RGS5: variants seen among roughly 807,000 people sequenced by gnomAD.
The protein encoded by RGS5 is regulator of G protein signaling 5, also known as regulator of G-protein signalling 5.
Under a neutral mutation model 18.9 loss-of-function variants are expected in RGS5, and 20 were observed. The observed-to-expected ratio is 1.06, with a 90% CI of 0.74 to 1.54. The LOEUF (loss-of-function observed/expected upper bound fraction) is 1.54. Among genes scored for constraint, RGS5 ranks in the 40% most tolerant of loss-of-function variants. The pLI is 0.00. For synonymous variants in RGS5, 57 were observed against 76.2 expected, an observed-to-expected ratio of 0.75 and a Z score of 1.31; for missense variants, 201 against 211.8, an observed-to-expected ratio of 0.95 and a Z score of 0.32.
At chr1:163,195,690 G>A (rs1216434118) in intron 1 of RGS5, among the ~76,000 whole-genome samples, 1 of 150,974 alleles carries the variant, frequency 6.6e-6, no homozygotes, top group African/African-American at 2.4e-5. Flanking sequence ...TAAAAGATGA[G>A]GTTATGATGA....
chr1:163,162,625 TCCTGAACA>T (rs67143810), intron 2 of RGS5, among the ~76,000 whole-genome samples: 10,640 of 152,136 alleles, frequency 0.07, 496 homozygotes, highest in Non-Finnish European at 0.091. Context: ...GGTTAATATA[TCCTGAACA>T]GGAATGTTAT....
intron 2 of RGS5, among the ~76,000 whole-genome samples, chr1:163,263,707 T>C (rs1233316147): frequency 6.6e-6 from 1 of 152,118 alleles, no homozygotes; most frequent in Non-Finnish European, 1.5e-5. Context: ...GACTCTCAGA[T>C]TCTTGTTCCC....
chr1:163,220,178 T>C (rs1161815208), upstream of RGS5, among the ~76,000 whole-genome samples: 1 of 152,240 alleles, frequency 6.6e-6, no homozygotes, highest in Non-Finnish European at 1.5e-5. Flanking sequence ...CCTTTATATG[T>C]ACATATTGAC....
rs1222547970 is a variant in RGS5 at position 163,152,688 on chromosome 1, C to T, written c.246G>A (p.Leu82=). The change falls in exon 4 of 5, where the codon CTG becomes CTA. Residue 82 remains leucine, a synonymous_variant. Coordinates refer to ENST00000313961, the MANE Select transcript of RGS5 (RefSeq NM_003617.4). ...NYGLASFKSF[L]KSEFSEENLE... ...GGTTTTCCTCACTGAATTCAGACTT[C>T]AGGAAACTTTTGAAACTGGCAAGTC... The T allele has an allele frequency of 6.3e-7, 1 of 1,599,872 alleles. No individual in the cohort carries two copies. The highest frequency in any genetic ancestry group is 2.2e-5 in the East Asian group (1 of 44,668).
chr1:163,147,801 A>G (rs1039018585), intron 4 of RGS5, among the ~76,000 whole-genome samples: 3 of 76 alleles, frequency 0.039, no homozygotes, highest in African/African-American at 0.079. Flanking sequence ...CTTTTATAGA[A>G]AAAAATATTA....
chr1:163,202,634 T>C (rs1396044185), intron 1 of RGS5, among the ~76,000 whole-genome samples, 158 bp downstream of exon 1: 2 of 152,220 alleles, frequency 1.3e-5, no homozygotes, highest in Non-Finnish European at 2.9e-5. Flanking sequence ...ATCTCTATAT[T>C]GTTTACAGAG....
intron 2 of RGS5, among the ~76,000 whole-genome samples, chr1:163,292,227 T>C (rs1250739713): frequency 6.6e-6 from 1 of 152,148 alleles, no homozygotes; most frequent in Non-Finnish European, 1.5e-5. Flanking sequence ...TATCCATGCA[T>C]TCTCATCATT....
chr1:163,295,044 C>T (rs1649389363), intron 2 of RGS5, among the ~76,000 whole-genome samples: 1 of 152,160 alleles, frequency 6.6e-6, no homozygotes, highest in Non-Finnish European at 1.5e-5. Flanking sequence ...TCACTATTAG[C>T]ATTTTGGTCA....
intron 1 of RGS5, among the ~76,000 whole-genome samples, chr1:163,210,383 T>C (rs1660076633): frequency 6.6e-6 from 1 of 152,216 alleles, no homozygotes; most frequent in Non-Finnish European, 1.5e-5. Flanking sequence ...ACTTCTAAGA[T>C]TTCTATTTGA....
intron 1 of RGS5, among the ~76,000 whole-genome samples, chr1:163,187,644 C>G (rs1045177388): frequency 2.0e-5 from 3 of 152,146 alleles, no homozygotes; most frequent in Non-Finnish European, 4.4e-5. Context: ...CCTGGAGGTT[C>G]CCAGAGGATG....
intron 2 of RGS5, among the ~76,000 whole-genome samples, chr1:163,257,530 C>A (rs1268663381): frequency 6.6e-6 from 1 of 152,134 alleles, no homozygotes; most frequent in African/African-American, 2.4e-5. Flanking sequence ...CATGTTACTA[C>A]TTTTTTCACA....
chr1:163,231,870 T>C (rs1647490885), intron 2 of RGS5, among the ~76,000 whole-genome samples: 1 of 152,130 alleles, frequency 6.6e-6, no homozygotes, highest in South Asian at 2.1e-4. Context: ...GTTATCGTTA[T>C]ATGTGCAGAA....
intron 3 of RGS5, among the ~76,000 whole-genome samples, chr1:163,159,130 T>C (rs777953403): frequency 6.6e-6 from 1 of 152,182 alleles, no homozygotes; most frequent in Non-Finnish European, 1.5e-5. Flanking sequence ...TTGCTGTTAT[T>C]CTGTTCTTTT....
At chr1:163,156,204 A>G (rs1377727052) in intron 3 of RGS5, among the ~76,000 whole-genome samples, 2 of 152,232 alleles carry the variant, frequency 1.3e-5, no homozygotes, top group African/African-American at 4.8e-5. Flanking sequence ...TGAGCAAGTC[A>G]TCAAATCTCT....
intron 1 of RGS5, among the ~76,000 whole-genome samples, chr1:163,214,854 C>G (rs1660181558): frequency 6.6e-6 from 1 of 152,040 alleles, no homozygotes; most frequent in Non-Finnish European, 1.5e-5. Flanking sequence ...CAAAAATTGC[C>G]AAATTTTGTT....
intron 4 of RGS5, 149 bp from the exon 5 acceptor site, chr1:163,147,652 C>T (rs994040968): frequency 3.6e-5 from 26 of 721,506 alleles, no homozygotes; most frequent in Admixed American, 7.1e-5. Context: ...ACTTTATAGG[C>T]GATGGGATAA....
intron 1 of RGS5, among the ~76,000 whole-genome samples, chr1:163,199,953 G>A (rs1659712013): frequency 6.6e-6 from 1 of 152,034 alleles, no homozygotes; most frequent in South Asian, 2.1e-4. Context: ...TTATAGGCAT[G>A]AGCCACCATG....
At chr1:163,270,352 G>GAAAAAA (rs59181379) in intron 2 of RGS5, among the ~76,000 whole-genome samples, 1 of 94,718 alleles carries the variant, frequency 1.1e-5, no homozygotes, top group Non-Finnish European at 2.0e-5. Context: ...TCTCTATTGA[G>GAAAAAA]AAAAAAAAAA....
chr1:163,309,156 A>G (rs1183137964), intron 1 of RGS5, among the ~76,000 whole-genome samples: 2 of 151,776 alleles, frequency 1.3e-5, no homozygotes, highest in African/African-American at 4.8e-5. Flanking sequence ...TAGAGGTTAC[A>G]GTGAACTATG....
Sources: gnomAD v4.1 joint callset for allele counts (sites outside exome capture counted in the v4.1 genomes callset) on GRCh38, gnomAD v4.1.1 for gene constraint, MANE v1.5 for transcripts, NCBI Gene and HGNC (gene_info 2026-07-23, HGNC 2026-07-21) for gene names.